The following RIGI variants were observed in gnomAD, a reference collection of about 807,000 sequenced individuals.
RIGI encodes the protein RNA sensor RIG-I.
At chr9:32,488,024 C>T in the RIGI span, 2 of 1,613,994 alleles carry the variant, frequency 1.2e-6, no homozygotes, top group African/African-American at 2.7e-5. Flanking sequence ...GTGTTGTTTA[C>T]TAGTGTTGTG....
chr9:32,474,186 G>C, the RIGI span, among the ~76,000 whole-genome samples: 1 of 128,490 alleles, frequency 7.8e-6, no homozygotes, highest in Non-Finnish European at 1.6e-5. Flanking sequence ...TGGGCAATGA[G>C]AGTGAGACCC....
At chr9:32,482,876 G>A in the RIGI span, among the ~76,000 whole-genome samples, 1 of 151,688 alleles carries the variant, frequency 6.6e-6, no homozygotes, top group Non-Finnish European at 1.5e-5. Flanking sequence ...AATCAAGGAG[G>A]AGATTTAGGA....
At chr9:32,522,264 C>A in the RIGI span, among the ~76,000 whole-genome samples, 2 of 152,076 alleles carry the variant, frequency 1.3e-5, no homozygotes, top group Non-Finnish European at 2.9e-5. Flanking sequence ...CTCTTCATAA[C>A]CTTTAAGAAT....
chr9:32,481,289 C>A, the RIGI span: 2 of 1,570,452 alleles, frequency 1.3e-6, no homozygotes, highest in Admixed American at 1.9e-5. Context: ...CACGGTGCCA[C>A]TCCCAGTAGG....
the RIGI span, among the ~76,000 whole-genome samples, chr9:32,514,714 T>TA: frequency 6.6e-6 from 1 of 152,218 alleles, no homozygotes; most frequent in Non-Finnish European, 1.5e-5. Context: ...TCCCAGAACT[T>TA]AAAGTATAAT....
chr9:32,501,182 A>T, the RIGI span, among the ~76,000 whole-genome samples: 1 of 152,040 alleles, frequency 6.6e-6, no homozygotes, highest in Non-Finnish European at 1.5e-5. Context: ...CTGAGCACAC[A>T]TTCTAGAAAA....
At chr9:32,507,240 C>T in the RIGI span, among the ~76,000 whole-genome samples, 1 of 152,044 alleles carries the variant, frequency 6.6e-6, no homozygotes, top group Admixed American at 6.6e-5. Context: ...GAAAATAAAA[C>T]TCATAAAAGT....
chr9:32,471,019 G>A, the RIGI span, among the ~76,000 whole-genome samples: 2 of 152,222 alleles, frequency 1.3e-5, no homozygotes, highest in Non-Finnish European at 2.9e-5. Context: ...AGCATTTTGG[G>A]AGGTCAAGGT....
chr9:32,487,512 T>C, the RIGI span: 7 of 1,614,168 alleles, frequency 4.3e-6, no homozygotes, highest in Admixed American at 6.7e-5. Context: ...TTCCTCCAGA[T>C]TGTGTTTGAC....
the RIGI span, among the ~76,000 whole-genome samples, chr9:32,519,611 A>G: frequency 6.6e-6 from 1 of 152,216 alleles, no homozygotes; most frequent in East Asian, 1.9e-4. Context: ...ATTCAATTCA[A>G]TAAACAATAG....
the RIGI span, among the ~76,000 whole-genome samples, chr9:32,506,962 G>A: frequency 6.6e-6 from 1 of 152,064 alleles, no homozygotes; most frequent in Non-Finnish European, 1.5e-5. Flanking sequence ...TGATTGCCGT[G>A]CTTACTTTTG....
At chr9:32,490,553 C>A in the RIGI span, among the ~76,000 whole-genome samples, 58,727 of 151,964 alleles carry the variant, frequency 0.39, 11,590 homozygotes, top group South Asian at 0.48. Context: ...CAGACGTAAT[C>A]TGCACATTTT....
the RIGI span, chr9:32,487,909 A>T: frequency 6.2e-7 from 1 of 1,605,738 alleles, no homozygotes; most frequent in African/African-American, 1.3e-5. Flanking sequence ...GGAAGATTAT[A>T]GCTCTTCTGA....
At chr9:32,477,645 C>A in the RIGI span, among the ~76,000 whole-genome samples, 358 of 152,220 alleles carry the variant, frequency 2.4e-3, 6 homozygotes, top group East Asian at 0.051. Context: ...TATAGTCAGG[C>A]CGGGTGTGGT....
At chr9:32,500,436 C>T in the RIGI span, among the ~76,000 whole-genome samples, 2 of 152,162 alleles carry the variant, frequency 1.3e-5, no homozygotes, top group African/African-American at 4.8e-5. Flanking sequence ...AGACCTTATA[C>T]ATCTTTTGTT....
the RIGI span, among the ~76,000 whole-genome samples, chr9:32,499,406 C>T: frequency 6.9e-6 from 1 of 145,948 alleles, no homozygotes; most frequent in African/African-American, 2.5e-5. Flanking sequence ...TTCGTACCCA[C>T]ATGGGCATAA....
chr9:32,462,249 C>G, the RIGI span, among the ~76,000 whole-genome samples: 18 of 152,214 alleles, frequency 1.2e-4, no homozygotes, highest in Admixed American at 3.3e-4. Flanking sequence ...AGTCAGTGTT[C>G]TACATGCATG....
At chr9:32,478,441 G>A in the RIGI span, among the ~76,000 whole-genome samples, 2 of 152,268 alleles carry the variant, frequency 1.3e-5, no homozygotes, top group East Asian at 3.9e-4. Flanking sequence ...AGAATGATGT[G>A]CTGCTGCTCA....
At chr9:32,502,083 A>G in the RIGI span, among the ~76,000 whole-genome samples, 2 of 152,174 alleles carry the variant, frequency 1.3e-5, no homozygotes, top group South Asian at 2.1e-4. Flanking sequence ...GGATTTGCCT[A>G]TTTTACACAT....
Sources: allele counts gnomAD v4.1 joint callset (sites outside exome capture counted in the v4.1 genomes callset), GRCh38; gene constraint gnomAD v4.1.1; transcripts MANE v1.5; gene names NCBI Gene and HGNC (gene_info 2026-07-23, HGNC 2026-07-21).